Variants in MRPS6 observed in about 807,000 individuals in gnomAD.
The protein encoded by MRPS6 is small ribosomal subunit protein bS6m.
A neutral mutation model predicts 13.1 loss-of-function variants in MRPS6; 6 were observed. That is an observed-to-expected ratio of 0.46 (90% confidence interval 0.25 to 0.91). The LOEUF (loss-of-function observed/expected upper bound fraction) is 0.91. MRPS6 is among the 40% of genes least tolerant of loss of function. MRPS6 has a pLI of 0.18. For synonymous variants in MRPS6, 61 were observed against 56.5 expected (o/e 1.08, Z -0.36); for missense variants, 164 against 155.6 (o/e 1.05, Z -0.29).
chr21:34,102,293 A>ACT (rs1979275491), intron 1 of MRPS6: 1 of 999,312 alleles, frequency 1.0e-6, no homozygotes, highest in African/African-American at 1.7e-5. Flanking sequence ...TTTTATTTAA[A>ACT]CTTCTCTCTC....
At chr21:34,094,520 G>T (rs1341646055) in intron 1 of MRPS6, among the ~76,000 whole-genome samples, 1 of 152,076 alleles carries the variant, frequency 6.6e-6, no homozygotes, top group Non-Finnish European at 1.5e-5. Flanking sequence ...CCCCTTTAGG[G>T]TGCTTTAAGA....
At chr21:34,102,402 T>G (rs529079212) in intron 1 of MRPS6, 2 of 1,000,074 alleles carry the variant, frequency 2.0e-6, no homozygotes, top group African/African-American at 3.5e-5. Context: ...CTAAACTTCT[T>G]TATAAAAAGA....
chr21:34,101,920 T>C, intron 1 of MRPS6: 1 of 1,000,208 alleles, frequency 1.0e-6, no homozygotes, highest in African/African-American at 1.7e-5. Flanking sequence ...TTTGAAATGA[T>C]GGTGTCAGAG....
At chr21:34,133,413 T>C (rs1980574476) in intron 2 of MRPS6, among the ~76,000 whole-genome samples, 1 of 152,216 alleles carries the variant, frequency 6.6e-6, no homozygotes, top group Non-Finnish European at 1.5e-5. Flanking sequence ...GTAAACACAC[T>C]TTCTCTTAGA....
In MRPS6 at chr21:34,081,220, A is replaced by T. The variant is rs369446914; in HGVS notation, c.45+7475A>T. ...ATGAAGCTGAAACTGGAAATTGTAG[A>T]TAATGCCATCTGTAGATGTCGCTTA... On this transcript the variant is annotated intron_variant, in intron 1 of 2. Transcript: ENST00000399312. Among the ~76,000 whole-genome samples the T allele has an allele frequency of 3.1e-4, 47 of 152,218 alleles. No homozygotes were observed. The East Asian group carries it at 5.2e-3, about 17-fold the overall frequency.
In MRPS6 at chr21:34,142,876, A is replaced by T. The variant is rs1217143781; in HGVS notation, c.*276A>T. 1 of 276,014 alleles carries T rather than the reference A, an allele frequency of 3.6e-6. No individual in the cohort carries two copies. Among genetic ancestry groups the T allele is most frequent in the East Asian group, 6.8e-5 (1 of 14,728 alleles). The allele number at this position is 276,014 out of a possible 1,614,324, so 17.1% of individuals were successfully genotyped here. On this transcript the variant is annotated 3_prime_UTR_variant, in exon 3 of 3. Transcript: ENST00000399312. ...TGTCATTGAGGACTTTTCCCCTTAC[A>T]ACAGTAACACCATTTTTTGAAGAGC...
At chr21:34,113,656 G>A (rs1239127133) in intron 1 of MRPS6, among the ~76,000 whole-genome samples, 1 of 152,150 alleles carries the variant, frequency 6.6e-6, no homozygotes, top group Non-Finnish European at 1.5e-5. Context: ...CCTAGTTGAT[G>A]GACATGCTTT....
intron 2 of MRPS6, among the ~76,000 whole-genome samples, chr21:34,129,728 A>G (rs1980434357): frequency 6.6e-6 from 1 of 152,108 alleles, no homozygotes; most frequent in Admixed American, 6.5e-5. Context: ...CCCGTTAGCT[A>G]ACATTTCCAT....
chr21:34,118,672 G>A (rs1012752218), intron 1 of MRPS6, among the ~76,000 whole-genome samples: 3 of 149,766 alleles, frequency 2.0e-5, no homozygotes, highest in Non-Finnish European at 4.4e-5. Context: ...ACACCACCAC[G>A]CCTGGCTAAT....
At chr21:34,077,197 T>TTAGG (rs1412979540) in intron 1 of MRPS6, among the ~76,000 whole-genome samples, 1 of 152,234 alleles carries the variant, frequency 6.6e-6, no homozygotes, top group African/African-American at 2.4e-5. Flanking sequence ...GGTATTTCAG[T>TTAGG]TAGGTAAAAG....
rs115067539 is a variant in MRPS6, at chr21:34,115,115, A to G, written c.46-10226A>G. Among the ~76,000 whole-genome samples the G allele has an allele frequency of 1.7e-3, 262 of 152,308 alleles. 2 individuals are homozygous for G. Among genetic ancestry groups the G allele is most frequent in the African/African-American group, 6.0e-3 (251 of 41,568 alleles). On this transcript the variant is annotated intron_variant, in intron 1 of 2. Coordinates refer to ENST00000399312, the MANE Select transcript of MRPS6 (RefSeq NM_032476.4). The stretch of plus-strand genomic sequence containing the variant: ...GCATTATCTCACTGAGAAGATAACA[A>G]TGCCTCTGCCTTGTTCTTGGGTCCT...
At chr21:34,141,692 G>A (rs945334611) in intron 2 of MRPS6, among the ~76,000 whole-genome samples, 3 of 152,180 alleles carry the variant, frequency 2.0e-5, no homozygotes, top group African/African-American at 7.2e-5. Context: ...AACCTTTTAG[G>A]TCTGAGAGGA....
At chr21:34,099,894 G>T in intron 1 of MRPS6, 4 of 355,278 alleles carry the variant, frequency 1.1e-5, no homozygotes, top group Non-Finnish European at 1.7e-5. Flanking sequence ...TAATGTGCTC[G>T]AGTAAGTTTG....
rs544608761 is a variant in MRPS6, at chr21:34,124,852, TC to T, written c.46-484del. On this transcript the variant is annotated intron_variant, in intron 1 of 2. Transcript: ENST00000399312. ...AGTTTGGGTCTGATTACCCATCCTT[TC>T]CCCCTTTTGGTTACAGTCTCCCAGT... The T allele has an allele frequency of 2.6e-5, 4 of 154,242 alleles. No individual in the cohort carries two copies. The East Asian group carries it at 7.7e-4, about 30-fold the overall frequency. The allele number at this position is 154,242 out of a possible 1,614,324, so 9.6% of individuals were successfully genotyped here.
rs939437058 is a variant in MRPS6, at chr21:34,073,617, A to C, written c.-84A>C. On this transcript the variant is annotated 5_prime_UTR_variant, in exon 1 of 3. Coordinates refer to ENST00000399312, the MANE Select transcript of MRPS6 (RefSeq NM_032476.4). ...GGAGCCGTCCGGCGCAGCAGTTTCT[A>C]GGTCCCCACTGTCCCCGCCGTCCCG... 3 of 1,228,750 alleles carry C rather than the reference A, an allele frequency of 2.4e-6. No individual in the cohort carries two copies. In the African/African-American group the frequency reaches 4.8e-5, roughly 20 times the overall value. 76.1% of individuals were successfully genotyped at this position (1,228,750 alleles called of 1,614,324 possible). A position where few individuals can be genotyped will look rare whatever the true frequency, so the allele number is the denominator to read the frequency against.
At chr21:34,090,451 GTGATT>G (rs1313476540) in intron 1 of MRPS6, among the ~76,000 whole-genome samples, 6 of 152,196 alleles carry the variant, frequency 3.9e-5, no homozygotes, top group African/African-American at 1.4e-4. Flanking sequence ...TTTACTTGAA[GTGATT>G]TAAGTAGGAG....
chr21:34,127,830 G>A (rs1056571577), intron 2 of MRPS6, among the ~76,000 whole-genome samples: 3 of 152,198 alleles, frequency 2.0e-5, no homozygotes, highest in Admixed American at 1.3e-4. Context: ...ATTATGTACT[G>A]GGAGACTTGC....
chr21:34,128,874 A>G (rs995781729), intron 2 of MRPS6, among the ~76,000 whole-genome samples: 8 of 152,320 alleles, frequency 5.3e-5, no homozygotes, highest in African/African-American at 1.7e-4. Context: ...GATTGGGACA[A>G]TATCTCAGCC....
intron 2 of MRPS6, among the ~76,000 whole-genome samples, 171 bp downstream of exon 2, chr21:34,125,651 T>C (rs1023107830): frequency 1.3e-5 from 2 of 152,184 alleles, no homozygotes; most frequent in African/African-American, 4.8e-5. Context: ...TGTGATATGC[T>C]GGCCCTTCGT....
Sources: allele counts gnomAD v4.1 joint callset (sites outside exome capture counted in the v4.1 genomes callset), GRCh38; gene constraint gnomAD v4.1.1; transcripts MANE v1.5; gene names NCBI Gene and HGNC (gene_info 2026-07-23, HGNC 2026-07-21).